The following WDR27 variants were observed in gnomAD, a reference collection of about 807,000 sequenced individuals.
WDR27 encodes the protein WD repeat domain 27, also known as WD repeat-containing protein 27.
In WDR27, 100 loss-of-function variants were observed where a neutral mutation model predicts 114.4. The ratio of observed to expected loss-of-function variants is 0.87; its 90% CI spans 0.74 to 1.03. The LOEUF is 1.03. Among genes scored for constraint, WDR27 ranks in the 50% least tolerant of loss-of-function variants. The probability of loss-of-function intolerance (pLI) is 0.00; values close to 1 mark genes in which losing one functional copy is unlikely to be tolerated. For missense variants in WDR27, 1,129 were observed against 1,092.9 expected (o/e 1.03, Z -0.47); for synonymous variants, 449 against 423.1 (o/e 1.06, Z -0.75).
chr6:169,652,127 G>T, intron 13 of WDR27, 119 bp from the exon 14 acceptor site: 1 of 854,260 alleles, frequency 1.2e-6, no homozygotes, highest in Non-Finnish European at 1.8e-6. Flanking sequence ...ATGAATTCCT[G>T]ACCATAAATT....
At position 169,538,736 on chromosome 6, in the gene WDR27, A is replaced by AC. The variant is rs1796488437; in HGVS notation, c.2645+33682_2645+33683insG. ...CACACACACACACACACACACACACAAACACACTTATATATATATATGTGC... is the reference window on the plus strand; with the variant it reads ...CACACACACACACACACACACACACACAACACACTTATATATATATATGTGC... On this transcript the variant is annotated intron_variant, in intron 25 of 25. Coordinates refer to ENST00000448612, the MANE Select transcript of WDR27 (RefSeq NM_182552.5). 1.5e-4 allele frequency among the ~76,000 whole-genome samples: 23 copies of AC among 150,914 alleles called. 1 individual carries two copies. Among genetic ancestry groups the AC allele is most frequent in the East Asian group, 7.9e-4 (4 of 5,094 alleles).
chr6:169,483,971 A>G (rs1562479058), intron 25 of WDR27, among the ~76,000 whole-genome samples: 1 of 152,174 alleles, frequency 6.6e-6, no homozygotes, highest in Admixed American at 6.5e-5. Context: ...ATAAAATTCA[A>G]CATCCTTTTA....
chr6:169,476,551 CTCTT>C (rs1226277073), intron 25 of WDR27, among the ~76,000 whole-genome samples: 1 of 152,208 alleles, frequency 6.6e-6, no homozygotes, highest in Non-Finnish European at 1.5e-5. Context: ...CCCACTTTCT[CTCTT>C]AAACTGTCTT....
intron 25 of WDR27, among the ~76,000 whole-genome samples, chr6:169,478,474 G>A (rs1301044663): frequency 1.3e-5 from 2 of 151,866 alleles, no homozygotes; most frequent in African/African-American, 4.8e-5. Flanking sequence ...TAAGTCGGGT[G>A]TACATGTACA....
chr6:169,444,639 A>C, the WDR27 span, among the ~76,000 whole-genome samples: 1 of 151,068 alleles, frequency 6.6e-6, no homozygotes, highest in Non-Finnish European at 1.5e-5. Context: ...CTTATGAGCC[A>C]GTCCTCAAGA....
intron 25 of WDR27, among the ~76,000 whole-genome samples, chr6:169,500,627 C>T (rs73789973): frequency 0.018 from 2,729 of 152,190 alleles, 85 homozygotes; most frequent in African/African-American, 0.062. Flanking sequence ...GCAATGAGTA[C>T]CCAGGACCTG....
At chr6:169,586,677 C>T (rs973235964) in intron 23 of WDR27, among the ~76,000 whole-genome samples, 7 of 151,704 alleles carry the variant, frequency 4.6e-5, no homozygotes, top group African/African-American at 1.5e-4. Context: ...GGTGAAACCC[C>T]GTCTCTACTA....
At chr6:169,543,188 C>T (rs893365630) in intron 25 of WDR27, among the ~76,000 whole-genome samples, 2 of 151,836 alleles carry the variant, frequency 1.3e-5, no homozygotes, top group African/African-American at 4.8e-5. Flanking sequence ...CTATAAGTTT[C>T]AAATAATATC....
At position 169,695,046 on chromosome 6, in the gene WDR27, G is replaced by C. The variant is rs1384669509; in HGVS notation, c.-7-6034C>G. Among the ~76,000 whole-genome samples the C allele has an allele frequency of 4.6e-5, 7 of 152,334 alleles. No homozygotes were observed. In the South Asian group the frequency reaches 8.3e-4, roughly 18 times the overall value. ...GCCCAGAGGAAATCCAGGTGCTTTT[G>C]CCCAAACAGGATGTGGATGCTAAGA... is the stretch of plus-strand genomic sequence containing the variant. On this transcript the variant is annotated intron_variant, in intron 1 of 25. Coordinates refer to ENST00000448612, the MANE Select transcript of WDR27 (RefSeq NM_182552.5).
At chr6:169,426,505 C>T in the WDR27 span, 1 of 152,090 alleles carries the variant, frequency 6.6e-6, no homozygotes, top group African/African-American at 2.4e-5. Context: ...AAATTATGTC[C>T]ATCAGAGCTA....
intron 23 of WDR27, among the ~76,000 whole-genome samples, chr6:169,599,503 C>A (rs1286746922): frequency 6.6e-6 from 1 of 152,092 alleles, no homozygotes; most frequent in Non-Finnish European, 1.5e-5. Flanking sequence ...GTGTACGTGT[C>A]GAGGAATTTA....
intron 25 of WDR27, among the ~76,000 whole-genome samples, chr6:169,552,516 G>C (rs1026139406): frequency 1.3e-5 from 2 of 152,192 alleles, no homozygotes; most frequent in Admixed American, 1.3e-4. Flanking sequence ...AAACTTTCTT[G>C]AATTAATTTA....
At chr6:169,474,704 AGG>A (rs953212644) in intron 25 of WDR27, among the ~76,000 whole-genome samples, 3 of 152,356 alleles carry the variant, frequency 2.0e-5, no homozygotes, top group East Asian at 1.9e-4. Flanking sequence ...GAAAAGATAA[AGG>A]GGAATAATAA....
At chr6:169,571,540 G>A (rs745789389) in intron 25 of WDR27, among the ~76,000 whole-genome samples, 4 of 152,184 alleles carry the variant, frequency 2.6e-5, no homozygotes, top group Non-Finnish European at 5.9e-5. Flanking sequence ...CTCAAAAACT[G>A]CATTGGGCCA....
chr6:169,561,061 G>C (rs1799604600), intron 25 of WDR27, among the ~76,000 whole-genome samples: 1 of 152,046 alleles, frequency 6.6e-6, no homozygotes, highest in Non-Finnish European at 1.5e-5. Flanking sequence ...GTCCATTCAG[G>C]CTGCTGTCAC....
intron 16 of WDR27, among the ~76,000 whole-genome samples, chr6:169,646,463 A>G (rs1441600643): frequency 6.6e-6 from 1 of 152,174 alleles, no homozygotes; most frequent in East Asian, 1.9e-4. Flanking sequence ...AATAAATGAT[A>G]GAGCTGGGCG....
intron 7 of WDR27, chr6:169,664,689 T>A (rs1190602762): frequency 1.3e-5 from 13 of 1,010,238 alleles, no homozygotes; most frequent in Non-Finnish European, 1.4e-5. Flanking sequence ...AAAAAAAATC[T>A]AAGTTTTCAA....
intron 24 of WDR27, among the ~76,000 whole-genome samples, chr6:169,579,859 C>T (rs1803085800): frequency 6.6e-6 from 1 of 152,260 alleles, no homozygotes; most frequent in African/African-American, 2.4e-5. Context: ...CCACCTCACT[C>T]TTGAATTCTT....
chr6:169,538,678 A>G (rs1336773120), intron 25 of WDR27, among the ~76,000 whole-genome samples: 2 of 151,194 alleles, frequency 1.3e-5, no homozygotes, highest in African/African-American at 4.9e-5. Flanking sequence ...GGCCTGCAAC[A>G]TAGTCAAGCC....
Sources: allele counts gnomAD v4.1 joint callset (sites outside exome capture counted in the v4.1 genomes callset), GRCh38; gene constraint gnomAD v4.1.1; transcripts MANE v1.5; gene names NCBI Gene and HGNC (gene_info 2026-07-23, HGNC 2026-07-21).